Variants in NBN observed in about 807,000 individuals in gnomAD.
NBN encodes the protein Nijmegen breakage syndrome 1 (nibrin).
A neutral mutation model predicts 90.8 loss-of-function variants in NBN; 88 were observed. That is an observed-to-expected ratio of 0.97 (90% CI 0.82 to 1.16). The LOEUF is 1.16. Ranked by LOEUF, NBN falls within the 50% of genes most tolerant of loss-of-function variation. NBN has a pLI of 0.00. For synonymous variants in NBN, 328 were observed against 295.1 expected (o/e 1.11, Z -1.14); for missense variants, 894 against 869.6 (o/e 1.03, Z -0.35).
At chr8:89,946,084 G>GT (rs1810170026) in intron 13 of NBN, 56 bp downstream of exon 13, 1 of 1,286,384 alleles carries the variant, frequency 7.8e-7, no homozygotes, top group Middle Eastern at 2.6e-4. Context: ...AGCATCACTG[G>GT]TATCTCTAAA....
chr8:89,971,069 C>T, intron 6 of NBN, 104 bp downstream of exon 6: 1 of 1,314,224 alleles, frequency 7.6e-7, no homozygotes, highest in Non-Finnish European at 1.1e-6. Flanking sequence ...CACTTTTACA[C>T]AAAATCCCAA....
Position 89,973,837 on chromosome 8 carries a change from T to C in NBN, c.585-2547A>G, listed in dbSNP as rs1805831. On this transcript the variant is annotated intron_variant, in intron 5 of 15. Transcript: ENST00000265433. ...ACTGAATATAACGATACTACAAATA[T>C]AAAGTGATCTCCAATTTCTATCATT... 6.7e-3 allele frequency among the ~76,000 whole-genome samples: 1,013 copies of C among 152,280 alleles called. 13 individuals are homozygous for C. The highest frequency in any genetic ancestry group is 0.023 in the African/African-American group (959 of 41,556).
rs532699468 is a variant in NBN, at chr8:89,961,920, G to A, written c.994+2490C>T. On this transcript the variant is annotated intron_variant, in intron 8 of 15. Coordinates refer to ENST00000265433, the MANE Select transcript of NBN (RefSeq NM_002485.5). ...GAGAAGGATGTAGAGGGTTCAAACA[G>A]GGTACTGGCTGTGAGAAGGGGACAG... Among the ~76,000 whole-genome samples the A allele has an allele frequency of 5.9e-3, 893 of 152,270 alleles. 7 individuals carry two copies. Among genetic ancestry groups the A allele is most frequent in the South Asian group, 0.018 (86 of 4,824 alleles).
rs587776650 is a variant in NBN, at chr8:89,971,213, ATTTGT to A, written c.657_661del (p.Lys219AsnfsTer16). On this transcript the variant is annotated frameshift_variant, in exon 6 of 16. Coordinates refer to ENST00000265433, the MANE Select transcript of NBN (RefSeq NM_002485.5). LOFTEE classifies it high-confidence loss of function. ...AAATATAAATGTTTTCCCTTTGAAGATTTGTTTTCTTTCCTGCCGTCCTGACAGAT... is the reference window on the plus strand; with the variant it reads ...AAATATAAATGTTTTCCCTTTGAAGATTTCTTTCCTGCCGTCCTGACAGAT... 2.3e-4 allele frequency: 363 copies of A among 1,613,090 alleles called. No homozygotes were observed. The highest frequency in any genetic ancestry group is 2.9e-4 in the Non-Finnish European group (344 of 1,179,482).
intron 14 of NBN, among the ~76,000 whole-genome samples, chr8:89,938,748 T>A (rs1809803659): frequency 6.6e-6 from 1 of 152,180 alleles, no homozygotes; most frequent in Non-Finnish European, 1.5e-5. Context: ...GATTTTTCTA[T>A]CATATAGTGA....
In NBN at chr8:89,978,245, T is replaced by G. The variant is rs1554566633; in HGVS notation, c.559A>C (p.Lys187Gln). 6.2e-7 allele frequency: 1 copy of G among 1,606,740 alleles called. No individual in the cohort carries two copies. The highest frequency in any genetic ancestry group is 1.3e-5 in the African/African-American group (1 of 74,920). ...FTEFLKAVES[K>Q]KQPPQIESFY... is the part of the protein sequence containing the mutation. ...CTTTCAATTTGTGGAGGCTGCTTCT[T>G]GGACTCAACTGCTTTCAGGAATTCA... is the stretch of plus-strand genomic sequence containing the variant. Residue 187 changes from lysine (K) to glutamine (Q), a missense_variant, in exon 5 of 16, where the codon AAG becomes CAG. Transcript: ENST00000265433.
intron 4 of NBN, among the ~76,000 whole-genome samples, chr8:89,979,667 T>C (rs1483172387): frequency 6.6e-6 from 1 of 151,878 alleles, no homozygotes; most frequent in Non-Finnish European, 1.5e-5. Context: ...AAAAAAAATA[T>C]AACAACAAGG....
chr8:89,982,559 C>T, intron 2 of NBN, 163 bp downstream of exon 2: 3 of 650,542 alleles, frequency 4.6e-6, no homozygotes, highest in Non-Finnish European at 8.2e-6. Flanking sequence ...CCACTGGTAC[C>T]ACTGCCACAA....
Position 89,943,470 on chromosome 8 carries a change from CAAAGATG to C in NBN, c.2071-111_2071-105del, listed in dbSNP as rs909459498. ...AAGATGGTAAATCATGCATAAGTGC[CAAAGATG>C]TTTATATTCTACAAATAAAAGTGAG... On this transcript the variant is annotated intron_variant, in intron 13 of 15. Transcript: ENST00000265433. 9 of 1,160,426 alleles carry C rather than the reference CAAAGATG, an allele frequency of 7.8e-6. No homozygotes were observed. In the African/African-American group the frequency reaches 1.1e-4, roughly 14 times the overall value. The allele number at this position is 1,160,426 out of a possible 1,614,324, so 71.9% of individuals were successfully genotyped here.
At position 89,984,429 on chromosome 8, in the gene NBN, G is replaced by A. The variant is rs1586115636; in HGVS notation, c.37+96C>T. On this transcript the variant is annotated intron_variant, in intron 1 of 15. Transcript: ENST00000265433. ...GCGACCGCTTCCGCAGCGTCCCCGG[G>A]CAGGAACGGACGCGACGCAGGAATC... The A allele has an allele frequency of 2.6e-6, 3 of 1,165,162 alleles. No individual in the cohort carries two copies. In the East Asian group the frequency reaches 7.6e-5, roughly 30 times the overall value. The allele number at this position is 1,165,162 out of a possible 1,614,324, so 72.2% of individuals were successfully genotyped here.
Position 89,958,711 on chromosome 8 carries a change from TGAA to T in NBN, c.1124+11_1124+13del, listed in dbSNP as rs747584990. The T allele has an allele frequency of 7.4e-5, 119 of 1,611,714 alleles. No homozygotes were observed. Among genetic ancestry groups the T allele is most frequent in the Admixed American group, 2.3e-4 (14 of 59,994 alleles). ...TAGAATAATAACAATAGTACGGTAA[TGAA>T]GAAGCTTTACCATGTATCTGCTTGC... On this transcript the variant is annotated intron_variant, in intron 9 of 15. Coordinates refer to ENST00000265433, the MANE Select transcript of NBN (RefSeq NM_002485.5).
chr8:89,962,148 TA>T (rs1295876921), intron 8 of NBN, among the ~76,000 whole-genome samples: 2 of 152,170 alleles, frequency 1.3e-5, no homozygotes, highest in Non-Finnish European at 2.9e-5. Context: ...AACAGGAGCT[TA>T]AAAATCAAAC....
intron 14 of NBN, among the ~76,000 whole-genome samples, chr8:89,939,686 A>G (rs921065075): frequency 6.6e-6 from 1 of 152,190 alleles, no homozygotes; most frequent in African/African-American, 2.4e-5. Context: ...GATTCTTACT[A>G]ATGCCCCAAA....
At position 89,981,375 on chromosome 8, in the gene NBN, C is replaced by G; in HGVS notation, c.320G>C (p.Arg107Thr). The G allele has an allele frequency of 6.2e-7, 1 of 1,613,602 alleles. No individual in the cohort carries two copies. Among genetic ancestry groups the G allele is most frequent in the Non-Finnish European group, 8.5e-7 (1 of 1,179,752 alleles). Residue 107 changes from arginine (R) to threonine (T), a missense_variant and splice_region_variant, in exon 3 of 16, where the codon AGA (arginine) becomes ACA (threonine). By Grantham distance (71) the Arg-to-Thr change is moderately conservative. Transcript: ENST00000265433. ...TAAAATCAATTTTAAAATGTCTTAC[C>G]TGAATTTACTTCCAAACACTCCAAA... Reference protein sequence around the residue: ...ITFGVFGSKFRIEYEPLVACS... With the variant: ...ITFGVFGSKFTIEYEPLVACS...
At chr8:89,959,461 T>C (rs1220384927) in intron 8 of NBN, among the ~76,000 whole-genome samples, 8 of 152,124 alleles carry the variant, frequency 5.3e-5, no homozygotes, top group Non-Finnish European at 1.2e-4. Flanking sequence ...ATCATTCTAA[T>C]AACAATTCAA....
At chr8:89,958,700 T>C (rs1810844551) in intron 9 of NBN, 25 bp downstream of exon 9, 2 of 1,607,240 alleles carry the variant, frequency 1.2e-6, no homozygotes, top group Non-Finnish European at 8.5e-7. Flanking sequence ...ATAATAACAA[T>C]AGTACGGTAA....
chr8:89,937,001 A>G (rs1242878609), intron 15 of NBN, 25 bp downstream of exon 15: 1 of 1,558,870 alleles, frequency 6.4e-7, no homozygotes. Flanking sequence ...TCAAAGGTAC[A>G]TGAGAAAGGT....
intron 9 of NBN, among the ~76,000 whole-genome samples, chr8:89,957,080 T>C (rs1022091355): frequency 6.6e-6 from 1 of 152,214 alleles, no homozygotes; most frequent in Non-Finnish European, 1.5e-5. Context: ...ATACTTTTTA[T>C]CATTAGAATG....
At chr8:89,942,230 T>A (rs927811892) in intron 14 of NBN, among the ~76,000 whole-genome samples, 1 of 152,162 alleles carries the variant, frequency 6.6e-6, no homozygotes, top group Non-Finnish European at 1.5e-5. Context: ...AAAAATCTCA[T>A]TTGAAGTTTC....
Sources: gnomAD v4.1 joint callset for allele counts (sites outside exome capture counted in the v4.1 genomes callset) on GRCh38, gnomAD v4.1.1 for gene constraint, MANE v1.5 for transcripts, NCBI Gene and HGNC (gene_info 2026-07-23, HGNC 2026-07-21) for gene names.